CCDC88B: variants seen among roughly 807,000 people sequenced by gnomAD.
CCDC88B encodes coiled-coil domain-containing protein 88B.
In CCDC88B, 138 loss-of-function variants were observed where a neutral mutation model predicts 183.7. The ratio of observed to expected loss-of-function variants is 0.75; its 90% CI spans 0.65 to 0.87. The LOEUF is 0.87. Among genes scored for constraint, CCDC88B ranks in the 40% least tolerant of loss-of-function variants. The pLI, the probability that CCDC88B is intolerant of heterozygous loss-of-function variation, is 0.00. For synonymous variants in CCDC88B, 835 were observed against 867.5 expected, an observed-to-expected ratio of 0.96 and a Z score of 0.66; for missense variants, 1,822 against 1,965.6, an observed-to-expected ratio of 0.93 and a Z score of 1.38.
chr11:64,352,371 G>A lies in CCDC88B; in HGVS notation c.3341G>A (p.Arg1114Gln), dbSNP rs1370859171. The A allele has an allele frequency of 1.1e-5, 17 of 1,537,060 alleles. No homozygotes were observed. The highest frequency in any genetic ancestry group is 2.3e-4 in the Middle Eastern group (1 of 4,338). Reference sequence around the variant, plus strand: ...ATGCGGGCACTGGAGCTGGCCCACCGGGAGCTGCAGGGCCGGTGAGCATCA... The same window carrying A: ...ATGCGGGCACTGGAGCTGGCCCACCAGGAGCTGCAGGGCCGGTGAGCATCA... ...ANMRALELAH[R>Q]ELQGRHEQLQ... Residue 1114 changes from arginine to glutamine, a missense_variant, in exon 19 of 27, where the codon CGG (arginine) becomes CAG (glutamine). Arg to Gln is a conservative substitution (Grantham distance 43). Transcript: ENST00000356786.
Position 64,341,480 on chromosome 11 carries a change from C to T in CCDC88B, c.507C>T (p.Ser169=). Reference sequence around the variant, plus strand: ...AGGGCCTCAGTCTCGAGGTCCAGAGCGAGCTGGCCGCTGCCATCCAGGAGG... The same window carrying T: ...AGGGCCTCAGTCTCGAGGTCCAGAGTGAGCTGGCCGCTGCCATCCAGGAGG... ...HIQGLSLEVQ[S]ELAAAIQEVT... Residue 169 remains serine (S), a synonymous_variant, in exon 6 of 27, where the codon AGC becomes AGT. Transcript: ENST00000356786. 1.9e-6 allele frequency: 3 copies of T among 1,613,860 alleles called. No individual in the cohort carries two copies. Among genetic ancestry groups the T allele is most frequent in the African/African-American group, 1.3e-5 (1 of 75,040 alleles).
At position 64,349,639 on chromosome 11, in the gene CCDC88B, G is replaced by A. The variant is rs139645068; in HGVS notation, c.2833G>A (p.Ala945Thr). ...GGCGCTGATGGAGCTCAAGACCAGG[G>A]CCCTGCAGCTGGAAGAGGAGCTGTT... ...EEALMELKTR[A>T]LQLEEELFQL... Residue 945 changes from alanine (A) to threonine (T), a missense_variant, in exon 16 of 27, where the codon GCC (alanine) becomes ACC (threonine). Transcript: ENST00000356786. 3.7e-4 allele frequency: 585 copies of A among 1,598,048 alleles called. 1 individual carries two copies. Among genetic ancestry groups the A allele is most frequent in the Non-Finnish European group, 4.8e-4 (561 of 1,173,430 alleles).
intron 19 of CCDC88B, 58 bp from the exon 20 acceptor site, chr11:64,352,686 C>T (rs1175980638): frequency 1.7e-5 from 28 of 1,610,278 alleles, no homozygotes; most frequent in Non-Finnish European, 2.0e-5. Flanking sequence ...ATAGTCCAGC[C>T]AGCTGCTTGT....
At chr11:64,343,477 G>A (rs756785818) in intron 11 of CCDC88B, 30 bp from the exon 12 acceptor site, 1 of 1,541,596 alleles carries the variant, frequency 6.5e-7, no homozygotes, top group Admixed American at 2.0e-5. Flanking sequence ...ATGGTGTGGA[G>A]GGCTTGTCTG....
At chr11:64,352,680 TC>T in intron 19 of CCDC88B, 63 bp from the exon 20 acceptor site, 1 of 1,608,910 alleles carries the variant, frequency 6.2e-7, no homozygotes, top group Non-Finnish European at 8.5e-7. Flanking sequence ...GTCCAGATAG[TC>T]CAGCCAGCTG....
At position 64,344,036 on chromosome 11, in the gene CCDC88B, C is replaced by G; in HGVS notation, c.1495C>G (p.Pro499Ala). The stretch of plus-strand genomic sequence containing the variant: ...GGCACCGAGAGAGGACCCTGTTCTT[C>G]CAGTGCTGGAGGAGGCTCCCCAGAC... ...LEAPREDPVL[P>A]VLEEAPQTPV... Residue 499 changes from proline (P) to alanine (A), a missense_variant, in exon 14 of 27, where the codon CCA becomes GCA. Physicochemically the swap from Pro to Ala is conservative, Grantham distance 27. Coordinates refer to ENST00000356786, the MANE Select transcript of CCDC88B (RefSeq NM_032251.6). The surrounding 1 kb of genome is among the most constrained non-coding windows in gnomAD (Gnocchi z 4.5). 6.4e-7 allele frequency: 1 copy of G among 1,574,428 alleles called. No homozygotes were observed. Among genetic ancestry groups the G allele is most frequent in the East Asian group, 2.3e-5 (1 of 44,334 alleles).
Position 64,342,009 on chromosome 11 carries a change from C to T in CCDC88B, c.691C>T (p.Leu231=), listed in dbSNP as rs150573390. ...DLGAQRLAEL[L]LEREPLCLRP... ...TGACCTACAGCGGCTGGCTGAACTGCTGCTGGAGCGAGAACCCCTCTGCTT... is the reference window on the plus strand; with the variant it reads ...TGACCTACAGCGGCTGGCTGAACTGTTGCTGGAGCGAGAACCCCTCTGCTT... The change falls in exon 8 of 27, where the codon CTG becomes TTG. Residue 231 remains leucine, a synonymous_variant. Transcript: ENST00000356786. The T allele has an allele frequency of 3.1e-6, 5 of 1,612,506 alleles. No homozygotes were observed. The African/African-American group carries it at 4.0e-5, about 13-fold the overall frequency.
Position 64,353,774 on chromosome 11 carries a change from A to G in CCDC88B, c.3893A>G (p.Gln1298Arg). The G allele has an allele frequency of 6.2e-7, 1 of 1,613,452 alleles. No homozygotes were observed. The highest frequency in any genetic ancestry group is 1.1e-5 in the South Asian group (1 of 91,070). Residue 1298 changes from glutamine to arginine, a missense_variant, in exon 23 of 27, where the codon CAA becomes CGA. Coordinates refer to ENST00000356786, the MANE Select transcript of CCDC88B (RefSeq NM_032251.6). ...AAGCTCGTGGAGAAGATCATGGACCAATACCGCGTGCTGGAGCCTGTGCCC... is the reference window on the plus strand; with the variant it reads ...AAGCTCGTGGAGAAGATCATGGACCGATACCGCGTGCTGGAGCCTGTGCCC... ...KQKLVEKIMD[Q>R]YRVLEPVPLP...
At chr11:64,345,238 G>C (rs2036062376) in intron 14 of CCDC88B, 81 bp downstream of exon 14, 3 of 1,434,646 alleles carry the variant, frequency 2.1e-6, no homozygotes, top group South Asian at 2.6e-5. Flanking sequence ...ATCAGCAGCT[G>C]TTCAGTGGGT....
chr11:64,342,879 G>T (rs562996940), intron 10 of CCDC88B, 199 bp downstream of exon 10: 6 of 538,766 alleles, frequency 1.1e-5, no homozygotes, highest in Non-Finnish European at 1.6e-5. Flanking sequence ...AGGGGAGTGG[G>T]GGGGCTGTGT....
Position 64,342,688 on chromosome 11 carries a change from G to C in CCDC88B, c.1062+8G>C. The C allele has an allele frequency of 6.8e-7, 1 of 1,474,310 alleles. No individual in the cohort carries two copies. Among genetic ancestry groups the C allele is most frequent in the African/African-American group, 1.4e-5 (1 of 70,274 alleles). 91.3% of individuals were successfully genotyped at this position (1,474,310 alleles called of 1,614,324 possible). ...TACAAGAGTCAGCTGGAGGTGAGGC[G>C]GAGACGGAGCCGCGGGGCGGGGCGT... On this transcript the variant is annotated splice_region_variant and intron_variant, in intron 10 of 26. Coordinates refer to ENST00000356786, the MANE Select transcript of CCDC88B (RefSeq NM_032251.6).
chr11:64,342,729 C>A (rs1420251910), intron 10 of CCDC88B, 49 bp downstream of exon 10: 4 of 1,437,942 alleles, frequency 2.8e-6, no homozygotes, highest in Non-Finnish European at 3.6e-6. Context: ...AGGGGGCGGG[C>A]CAGGAGGAGG....
intron 14 of CCDC88B, among the ~76,000 whole-genome samples, chr11:64,347,512 G>C (rs2036159194): frequency 6.6e-6 from 1 of 152,172 alleles, no homozygotes; most frequent in Non-Finnish European, 1.5e-5. Context: ...ATGAGGATGG[G>C]GGGTGGGGAG....
chr11:64,353,272 G>A (rs768166209), intron 21 of CCDC88B, 32 bp downstream of exon 21: 33 of 1,569,760 alleles, frequency 2.1e-5, no homozygotes, highest in African/African-American at 5.4e-5. Context: ...GGGTATGGGC[G>A]TGTGGTGGGG....
At chr11:64,356,946 G>T (rs2036565181) in intron 26 of CCDC88B, 93 bp from the exon 27 acceptor site, 1 of 1,293,376 alleles carries the variant, frequency 7.7e-7, no homozygotes, top group Non-Finnish European at 1.1e-6. Context: ...TGGCAGGTCG[G>T]GGGTGGGCAG....
At chr11:64,354,699 C>CCT (rs1554966964) in intron 24 of CCDC88B, among the ~76,000 whole-genome samples, 2 of 28,132 alleles carry the variant, frequency 7.1e-5, no homozygotes, top group African/African-American at 1.9e-4. Flanking sequence ...CCGCCCCCCC[C>CCT]CTCTGACCCC....
rs1201240497 is a variant in CCDC88B at position 64,343,899 on chromosome 11, G to A, written c.1440G>A (p.Gly480=). ...GGGGGCTGCTTCAGGTGCTTCAGGGGCAGCCAGGGGGCCAGGTAAGTCCCC... is the reference window on the plus strand; with the variant it reads ...GGGGGCTGCTTCAGGTGCTTCAGGGACAGCCAGGGGGCCAGGTAAGTCCCC... ...ELRGLLQVLQ[G]QPGGQHPLLE... is the part of the protein sequence containing the mutation. Residue 480 remains glycine (G), a synonymous_variant, in exon 13 of 27, where the codon GGG becomes GGA. Coordinates refer to ENST00000356786, the MANE Select transcript of CCDC88B (RefSeq NM_032251.6). The A allele has an allele frequency of 5.6e-6, 9 of 1,603,958 alleles. No individual in the cohort carries two copies. Among genetic ancestry groups the A allele is most frequent in the Admixed American group, 5.1e-5 (3 of 58,618 alleles).
chr11:64,341,373 G>A, intron 5 of CCDC88B, 45 bp downstream of exon 5: 1 of 1,613,976 alleles, frequency 6.2e-7, no homozygotes, highest in Non-Finnish European at 8.5e-7. Flanking sequence ...AGCTTTGGCG[G>A]TAGAGGAGGG....
rs1157746756 is a variant in CCDC88B at position 64,353,174 on chromosome 11, C to A, written c.3621C>A (p.Ser1207Arg). The A allele has an allele frequency of 6.3e-7, 1 of 1,582,780 alleles. No individual in the cohort carries two copies. The highest frequency in any genetic ancestry group is 1.1e-5 in the South Asian group (1 of 87,412). ...ELERAQLEMQ[S>R]QQLRESNQQL... is the part of the protein sequence containing the mutation. The stretch of plus-strand genomic sequence containing the variant: ...AGCGGGCACAGCTGGAGATGCAGAG[C>A]CAGCAGCTGCGCGAGTCCAACCAGC... Residue 1207 changes from serine to arginine, a missense_variant, in exon 21 of 27, where the codon AGC becomes AGA. Ser to Arg is a moderately radical substitution (Grantham distance 110, BLOSUM62 -1). Coordinates refer to ENST00000356786, the MANE Select transcript of CCDC88B (RefSeq NM_032251.6).
Sources: allele counts gnomAD v4.1 joint callset (sites outside exome capture counted in the v4.1 genomes callset), GRCh38; gene constraint gnomAD v4.1.1; non-coding constraint Gnocchi (gnomAD v3.1); transcripts MANE v1.5; gene names NCBI Gene and HGNC (gene_info 2026-07-23, HGNC 2026-07-21).